THSD7B: variants seen among roughly 807,000 people sequenced by gnomAD.
THSD7B encodes the protein thrombospondin type-1 domain-containing protein 7B.
In THSD7B, 138 loss-of-function variants were observed where a neutral mutation model predicts 213.6. That is an observed-to-expected ratio of 0.65 (90% CI 0.56 to 0.74). The LOEUF (loss-of-function observed/expected upper bound fraction) is 0.74. Among genes scored for constraint, THSD7B ranks in the 30% least tolerant of loss-of-function variants. The probability of loss-of-function intolerance (pLI) is 0.00; values close to 1 mark genes in which losing one functional copy is unlikely to be tolerated. For synonymous variants in THSD7B, 742 were observed against 687.0 expected (o/e 1.08, Z -1.25); for missense variants, 1,931 against 1,991.5 (o/e 0.97, Z 0.58).
In THSD7B at chr2:137,655,528, A is replaced by T; in HGVS notation, c.3973A>T (p.Ile1325Phe). The stretch of plus-strand genomic sequence containing the variant: ...TGGAGACTGTGGGGAAGGAGTTCAG[A>T]TCCGCAGCCTTTCCTGCATGGTCCA... ...EGGDCGEGVQ[I>F]RSLSCMVHSG... The change falls in exon 22 of 28, where the codon ATC becomes TTC. Residue 1325 changes from isoleucine to phenylalanine, a missense_variant. Physicochemically the swap from Ile to Phe is conservative, Grantham distance 21 (BLOSUM62 0). Transcript: ENST00000409968. The T allele has an allele frequency of 6.2e-7, 1 of 1,612,344 alleles. No homozygotes were observed. The highest frequency in any genetic ancestry group is 8.5e-7 in the Non-Finnish European group (1 of 1,179,260).
chr2:137,173,472 C>A (rs1248686602), intron 7 of THSD7B, among the ~76,000 whole-genome samples: 1 of 152,202 alleles, frequency 6.6e-6, no homozygotes, highest in East Asian at 1.9e-4. Context: ...CTACAATCAT[C>A]AGCTTTACTG....
chr2:137,441,410 G>T (rs2105054099), intron 14 of THSD7B, among the ~76,000 whole-genome samples: 1 of 152,192 alleles, frequency 6.6e-6, no homozygotes, highest in East Asian at 1.9e-4. Flanking sequence ...ATAAACATTT[G>T]GGGTTCATTG....
intron 16 of THSD7B, among the ~76,000 whole-genome samples, chr2:137,565,634 A>G (rs915734216): frequency 1.1e-4 from 16 of 152,148 alleles, no homozygotes; most frequent in African/African-American, 3.9e-4. Flanking sequence ...TATTCAAACC[A>G]TATCATTCTG....
intron 2 of THSD7B, among the ~76,000 whole-genome samples, chr2:136,930,854 A>G (rs1684616118): frequency 6.6e-6 from 1 of 152,124 alleles, no homozygotes; most frequent in Admixed American, 6.6e-5. Context: ...TTGATTATAT[A>G]TTTATAATCG....
At chr2:137,468,107 T>C (rs1163666863) in intron 15 of THSD7B, among the ~76,000 whole-genome samples, 1 of 152,188 alleles carries the variant, frequency 6.6e-6, no homozygotes, top group Non-Finnish European at 1.5e-5. Context: ...CTGTAGACTA[T>C]TGAAGTTGAA....
rs1366925223 is a variant in THSD7B, at chr2:137,676,786, G to A, written c.*181G>A. 6 of 508,772 alleles carry A rather than the reference G, an allele frequency of 1.2e-5. No homozygotes were observed. In the East Asian group the frequency reaches 1.4e-4, roughly 12 times the overall value. 31.5% of individuals were successfully genotyped at this position (508,772 alleles called of 1,614,324 possible). ...CATGGAGTCAAGGATTATTAGGTCTGCCATTTTGTTTTCAAGTTGTTTGTG... is the reference window on the plus strand; with the variant it reads ...CATGGAGTCAAGGATTATTAGGTCTACCATTTTGTTTTCAAGTTGTTTGTG... On this transcript the variant is annotated 3_prime_UTR_variant, in exon 28 of 28. Coordinates refer to ENST00000409968, the MANE Select transcript of THSD7B (RefSeq NM_001316349.2).
At chr2:137,000,226 A>T (rs1685975802) in intron 2 of THSD7B, among the ~76,000 whole-genome samples, 1 of 152,106 alleles carries the variant, frequency 6.6e-6, no homozygotes, top group Non-Finnish European at 1.5e-5. Context: ...CTCCTCCTTC[A>T]CCATTTTTCC....
At chr2:136,990,667 G>A (rs1232862844) in intron 2 of THSD7B, among the ~76,000 whole-genome samples, 1 of 152,118 alleles carries the variant, frequency 6.6e-6, no homozygotes, top group Non-Finnish European at 1.5e-5. Context: ...GACATTTACT[G>A]TAATGGCAGA....
At chr2:137,331,354 C>T (rs901008031) in intron 12 of THSD7B, among the ~76,000 whole-genome samples, 2 of 151,662 alleles carry the variant, frequency 1.3e-5, no homozygotes, top group African/African-American at 4.8e-5. Flanking sequence ...TAAACGTTCT[C>T]CAAGGCCCCA....
At chr2:137,210,148 A>G (rs1681068533) in intron 7 of THSD7B, among the ~76,000 whole-genome samples, 1 of 152,072 alleles carries the variant, frequency 6.6e-6, no homozygotes, top group African/African-American at 2.4e-5. Flanking sequence ...TGTTCAAGCT[A>G]CTCAGTCTGT....
intron 7 of THSD7B, among the ~76,000 whole-genome samples, chr2:137,203,216 A>G (rs115512511): frequency 3.9e-4 from 60 of 152,196 alleles, no homozygotes; most frequent in African/African-American, 1.4e-3. Flanking sequence ...GTAAATAATA[A>G]TTTCCTAGTT....
intron 21 of THSD7B, among the ~76,000 whole-genome samples, chr2:137,647,421 T>TTCTCTCTCTCTCTCTC (rs60400076): frequency 1.2e-5 from 1 of 84,514 alleles, no homozygotes. Context: ...CTCTGTCTCT[T>TTCTCTCTCTCTCTCTC]TCTCTCTCTC....
At chr2:136,904,610 ATCT>A (rs1334179115) in intron 2 of THSD7B, among the ~76,000 whole-genome samples, 1 of 152,178 alleles carries the variant, frequency 6.6e-6, no homozygotes, top group East Asian at 1.9e-4. Flanking sequence ...GGCAGGGGCC[ATCT>A]TCTTCCATGT....
At chr2:137,438,646 A>C (rs982836529) in intron 14 of THSD7B, among the ~76,000 whole-genome samples, 1 of 152,070 alleles carries the variant, frequency 6.6e-6, no homozygotes, top group Non-Finnish European at 1.5e-5. Flanking sequence ...TAGAGGATTT[A>C]GGCAGCTCAC....
intron 6 of THSD7B, among the ~76,000 whole-genome samples, chr2:137,164,829 A>G (rs1389870430): frequency 3.3e-5 from 5 of 152,178 alleles, no homozygotes; most frequent in African/African-American, 7.2e-5. Flanking sequence ...GAATTGAACA[A>G]TGAGAACACT....
In THSD7B at chr2:137,478,235, T is replaced by C. The variant is rs549700573; in HGVS notation, c.3138+27212T>C. Among the ~76,000 whole-genome samples the C allele has an allele frequency of 4.6e-5, 7 of 152,306 alleles. No homozygotes were observed. The South Asian group carries it at 1.4e-3, about 32-fold the overall frequency. On this transcript the variant is annotated intron_variant, in intron 15 of 27. Transcript: ENST00000409968. ...AAAACACCAAAAATTCACTCTGTGG[T>C]GTCCCATATATCATGTAGGCTTTAG...
At chr2:137,300,239 A>T (rs374349038) in intron 12 of THSD7B, among the ~76,000 whole-genome samples, 1 of 152,324 alleles carries the variant, frequency 6.6e-6, no homozygotes, top group Middle Eastern at 3.4e-3. Flanking sequence ...AACCAAAGAA[A>T]AGTTAATTTA....
At chr2:137,414,177 T>A (rs1389843168) in intron 14 of THSD7B, among the ~76,000 whole-genome samples, 1 of 152,190 alleles carries the variant, frequency 6.6e-6, no homozygotes, top group African/African-American at 2.4e-5. Context: ...TCTAAGAGAC[T>A]TTCACCAGAT....
chr2:137,170,637 C>T (rs543160110), intron 6 of THSD7B, 104 bp from the exon 7 acceptor site: 126 of 1,040,770 alleles, frequency 1.2e-4, no homozygotes, highest in Middle Eastern at 3.1e-4. Flanking sequence ...GTGCTTAGAG[C>T]GATGAGTACT....
Sources: allele counts gnomAD v4.1 joint callset (sites outside exome capture counted in the v4.1 genomes callset), GRCh38; gene constraint gnomAD v4.1.1; transcripts MANE v1.5; gene names NCBI Gene and HGNC (gene_info 2026-07-23, HGNC 2026-07-21).